The following LUZP1 variants were observed in gnomAD, a reference collection of about 807,000 sequenced individuals.
LUZP1 encodes the protein filamin mechanobinding actin cross-linking protein.
LUZP1 carries 25 observed loss-of-function variants against 71.3 expected under a neutral mutation model. The ratio of observed to expected loss-of-function variants is 0.35; its 90% confidence interval spans 0.26 to 0.49. The LOEUF is 0.49. Ranked by LOEUF, LUZP1 falls within the 20% of genes least tolerant of loss-of-function variation. The pLI is 0.99. For missense variants in LUZP1, 1,142 were observed against 1,300.8 expected (o/e 0.88, Z 1.88); for synonymous variants, 481 against 506.4 (o/e 0.95, Z 0.67).
intron 2 of LUZP1, among the ~76,000 whole-genome samples, chr1:23,156,194 A>G (rs1644419658): frequency 6.6e-6 from 1 of 152,078 alleles, no homozygotes; most frequent in Admixed American, 6.5e-5. Context: ...AGCCTGGCCA[A>G]CATGGTGAAA....
At chr1:23,126,089 C>T (rs939902436) in intron 2 of LUZP1, among the ~76,000 whole-genome samples, 18 of 152,088 alleles carry the variant, frequency 1.2e-4, no homozygotes, top group African/African-American at 3.9e-4. Flanking sequence ...TATGGGAGGG[C>T]GATCATTAGG....
chr1:23,100,195 G>A lies in LUZP1; in HGVS notation c.-119-5815C>T, dbSNP rs923519590. 3.9e-5 allele frequency among the ~76,000 whole-genome samples: 6 copies of A among 152,176 alleles called. No homozygotes were observed. In the East Asian group the frequency reaches 1.2e-3, roughly 29 times the overall value. On this transcript the variant is annotated intron_variant, in intron 3 of 4. Coordinates refer to ENST00000302291, the Ensembl canonical transcript of LUZP1. ...CCCAGCAGGGAGCCTAGCACACAGG[G>A]AATGCTGAAAATTCGATGAATTTGA...
intron 2 of LUZP1, among the ~76,000 whole-genome samples, chr1:23,162,331 G>T (rs556953410): frequency 6.6e-6 from 1 of 151,946 alleles, no homozygotes; most frequent in South Asian, 2.1e-4. Flanking sequence ...TGCTTACATG[G>T]GTATATTCAG....
intron 2 of LUZP1, among the ~76,000 whole-genome samples, chr1:23,116,426 C>T (rs879192682): frequency 2.0e-5 from 3 of 151,872 alleles, no homozygotes; most frequent in East Asian, 1.9e-4. Context: ...TAAGCTGAGA[C>T]GGGAGAATTG....
intron 2 of LUZP1, among the ~76,000 whole-genome samples, chr1:23,164,436 G>A (rs1258232046): frequency 2.0e-5 from 3 of 150,902 alleles, no homozygotes; most frequent in African/African-American, 7.3e-5. Context: ...AGCTTGCAGT[G>A]AGCCAAGATC....
chr1:23,098,618 G>T (rs1643906959), intron 3 of LUZP1, among the ~76,000 whole-genome samples: 1 of 152,092 alleles, frequency 6.6e-6, no homozygotes, highest in Non-Finnish European at 1.5e-5. Flanking sequence ...TGAGAAGTTA[G>T]GGGCAGTGAC....
At chr1:23,155,088 A>T (rs1644411877) in intron 2 of LUZP1, among the ~76,000 whole-genome samples, 1 of 152,204 alleles carries the variant, frequency 6.6e-6, no homozygotes, top group South Asian at 2.1e-4. Flanking sequence ...AATATATCAT[A>T]TTATACTCCA....
intron 2 of LUZP1, among the ~76,000 whole-genome samples, chr1:23,123,821 C>A (rs1214559249): frequency 6.6e-6 from 1 of 152,104 alleles, no homozygotes; most frequent in Non-Finnish European, 1.5e-5. Context: ...TGCTAAGCCA[C>A]CCTATATAGA....
intron 3 of LUZP1, among the ~76,000 whole-genome samples, chr1:23,101,983 C>T (rs1311016962): frequency 6.6e-6 from 1 of 151,440 alleles, no homozygotes; most frequent in Admixed American, 6.6e-5. Context: ...CTTCCCTGAC[C>T]ATCTTACATA....
chr1:23,148,338 A>G (rs1557681545), intron 2 of LUZP1, among the ~76,000 whole-genome samples: 1 of 151,774 alleles, frequency 6.6e-6, no homozygotes, highest in Admixed American at 6.6e-5. Flanking sequence ...CAAGAAGACA[A>G]TCTTCAAAGG....
At chr1:23,090,101 A>G (rs1013401063) in intron 4 of LUZP1, among the ~76,000 whole-genome samples, 1 of 149,068 alleles carries the variant, frequency 6.7e-6, no homozygotes, top group African/African-American at 2.5e-5. Context: ...TCCCAAGCAA[A>G]TGCAGATCAA....
intron 1 of LUZP1, among the ~76,000 whole-genome samples, chr1:23,169,583 C>T (rs546538876): frequency 2.4e-4 from 37 of 152,282 alleles, no homozygotes; most frequent in Admixed American, 1.8e-3. Flanking sequence ...CATCTATGTT[C>T]CCGATTTTCA....
intron 2 of LUZP1, among the ~76,000 whole-genome samples, chr1:23,145,223 G>A (rs1364685349): frequency 6.6e-6 from 1 of 151,868 alleles, no homozygotes; most frequent in Non-Finnish European, 1.5e-5. Flanking sequence ...TTTTGTTCTG[G>A]TGTGCTTAAA....
intron 1 of LUZP1, among the ~76,000 whole-genome samples, chr1:23,176,389 C>T (rs757632655): frequency 5.3e-4 from 80 of 152,230 alleles, no homozygotes; most frequent in East Asian, 7.7e-4. Context: ...CTTTTATTGA[C>T]GAGAAAGGAG....
chr1:23,126,919 T>C (rs1303546770), intron 2 of LUZP1, among the ~76,000 whole-genome samples: 2 of 152,216 alleles, frequency 1.3e-5, no homozygotes, highest in Non-Finnish European at 1.5e-5. Flanking sequence ...CCACATGCCT[T>C]AAACTCCACA....
intron 3 of LUZP1, among the ~76,000 whole-genome samples, chr1:23,108,478 T>C (rs996180183): frequency 2.0e-5 from 3 of 152,102 alleles, no homozygotes; most frequent in Admixed American, 2.0e-4. Context: ...TGCACACCTG[T>C]AGTCCCAGTT....
intron 2 of LUZP1, among the ~76,000 whole-genome samples, chr1:23,139,648 C>CA (rs1195469258): frequency 2.0e-5 from 3 of 152,078 alleles, no homozygotes; most frequent in Non-Finnish European, 4.4e-5. Flanking sequence ...ATAATACATA[C>CA]AACACAGAAA....
intron 4 of LUZP1, chr1:23,090,409 A>C (rs1643834824): frequency 6.3e-6 from 1 of 159,696 alleles, no homozygotes; most frequent in Admixed American, 6.1e-5. Flanking sequence ...CTGCTTTTTT[A>C]AAGAAGGGAG....
intron 2 of LUZP1, among the ~76,000 whole-genome samples, chr1:23,142,699 ATACACACAC>A (rs1644314020): frequency 2.3e-5 from 1 of 42,800 alleles, no homozygotes; most frequent in Non-Finnish European, 3.9e-5. Flanking sequence ...ATATATATAT[ATACACACAC>A]ACACACACAC....
Sources: gnomAD v4.1 joint callset for allele counts (sites outside exome capture counted in the v4.1 genomes callset) on GRCh38, gnomAD v4.1.1 for gene constraint, MANE v1.5 for transcripts, NCBI Gene and HGNC (gene_info 2026-07-23, HGNC 2026-07-21) for gene names.